SUSD3: variants seen among roughly 807,000 people sequenced by gnomAD.
SUSD3 encodes the protein sushi domain-containing protein 3.
Under a neutral mutation model 20.6 loss-of-function variants are expected in SUSD3, and 18 were observed. The observed-to-expected ratio is 0.87, with a 90% CI of 0.60 to 1.30. The LOEUF is 1.30. SUSD3 is among the 50% of genes most tolerant of loss of function. SUSD3 has a pLI of 0.00. For missense variants in SUSD3, 306 were observed against 346.9 expected, an observed-to-expected ratio of 0.88 and a Z score of 0.94; for synonymous variants, 137 against 141.5, an observed-to-expected ratio of 0.97 and a Z score of 0.23.
intron 4 of SUSD3, among the ~76,000 whole-genome samples, chr9:93,080,332 A>C (rs1587921067): frequency 6.6e-6 from 1 of 151,418 alleles, no homozygotes; most frequent in South Asian, 2.1e-4. Context: ...AAAAAAAAAA[A>C]AAAAAAAACA....
intron 1 of SUSD3, among the ~76,000 whole-genome samples, chr9:93,062,063 C>T (rs562623404): frequency 2.0e-5 from 3 of 152,364 alleles, no homozygotes; most frequent in South Asian, 2.1e-4. Context: ...TGTTCTCAGA[C>T]GCCCGGCTGG....
Position 93,083,917 on chromosome 9 carries a change from T to C in SUSD3, c.558-620T>C, listed in dbSNP as rs117691552. 8.5e-4 allele frequency among the ~76,000 whole-genome samples: 129 copies of C among 151,954 alleles called. 2 individuals carry two copies. In the East Asian group the frequency reaches 0.023, roughly 27 times the overall value. On this transcript the variant is annotated intron_variant, in intron 4 of 4. Transcript: ENST00000375472. ...CAGCCTCTGAGGGGAGGAGAGGACATGCAAAGGGCTGGAGGTGGGAGCCGC... is the reference window on the plus strand; with the variant it reads ...CAGCCTCTGAGGGGAGGAGAGGACACGCAAAGGGCTGGAGGTGGGAGCCGC...
At chr9:93,060,247 G>A (rs1825452751) in intron 1 of SUSD3, among the ~76,000 whole-genome samples, 2 of 152,136 alleles carry the variant, frequency 1.3e-5, no homozygotes, top group South Asian at 2.1e-4. Context: ...CCCAGGCACT[G>A]GCCCCCTTGT....
At chr9:93,083,674 C>T (rs1229007313) in intron 4 of SUSD3, among the ~76,000 whole-genome samples, 2 of 152,234 alleles carry the variant, frequency 1.3e-5, no homozygotes, top group Admixed American at 1.3e-4. Context: ...TGGAGTCAGT[C>T]TGGCTCCTGC....
intron 3 of SUSD3, among the ~76,000 whole-genome samples, chr9:93,078,636 C>T (rs189728513): frequency 1.1e-4 from 16 of 152,280 alleles, no homozygotes; most frequent in Admixed American, 3.3e-4. Context: ...CTGCCACACA[C>T]GCCCCCTAAA....
chr9:93,060,542 A>G (rs1259906048), intron 1 of SUSD3, among the ~76,000 whole-genome samples: 2 of 151,982 alleles, frequency 1.3e-5, no homozygotes, highest in African/African-American at 2.4e-5. Context: ...TGACACTAAA[A>G]CACCACTGAC....
chr9:93,061,896 C>T (rs1425537604), intron 1 of SUSD3, among the ~76,000 whole-genome samples: 1 of 152,320 alleles, frequency 6.6e-6, no homozygotes, highest in East Asian at 1.9e-4. Flanking sequence ...CTGTCACTCT[C>T]TCCCACAGCC....
chr9:93,077,755 C>T (rs1826224362), intron 2 of SUSD3, 91 bp from the exon 3 acceptor site: 1 of 1,446,024 alleles, frequency 6.9e-7, no homozygotes, highest in Non-Finnish European at 9.5e-7. Context: ...ACACCCAGGC[C>T]CTACCCGTAC....
At chr9:93,058,945 G>A in intron 1 of SUSD3, 115 bp downstream of exon 1, 1 of 567,786 alleles carries the variant, frequency 1.8e-6, no homozygotes, top group Non-Finnish European at 2.6e-6. Context: ...CCACAGCAAC[G>A]ATCTGCCCCG....
At chr9:93,072,325 T>G (rs768743349) in intron 1 of SUSD3, among the ~76,000 whole-genome samples, 5 of 152,158 alleles carry the variant, frequency 3.3e-5, no homozygotes, top group Non-Finnish European at 7.3e-5. Flanking sequence ...GTTAAGGCCC[T>G]GGGGTCCTCA....
intron 1 of SUSD3, among the ~76,000 whole-genome samples, chr9:93,074,616 CTTTT>C (rs989411910): frequency 1.0e-5 from 1 of 96,366 alleles, no homozygotes; most frequent in African/African-American, 4.6e-5. Flanking sequence ...GCAGCAGATT[CTTTT>C]TTTTTTTTTT....
chr9:93,073,399 A>G (rs1825989619), intron 1 of SUSD3, among the ~76,000 whole-genome samples: 1 of 152,002 alleles, frequency 6.6e-6, no homozygotes, highest in African/African-American at 2.4e-5. Context: ...GGCGCCCGCC[A>G]CCACACCTGG....
At position 93,079,537 on chromosome 9, in the gene SUSD3, C is replaced by T. The variant is rs780801246; in HGVS notation, c.492C>T (p.Gly164=). The T allele has an allele frequency of 6.2e-6, 10 of 1,614,064 alleles. 1 individual carries two copies. The Admixed American group carries it at 8.3e-5, about 13-fold the overall frequency. The stretch of plus-strand genomic sequence containing the variant: ...AGACGGTGCAGGCCGCATACCTTGG[C>T]CTCAAGCACTTCAACAAACCCGTGA... ...DLETVQAAYL[G]LKHFNKPVSG... The change falls in exon 4 of 5, where the codon GGC becomes GGT. Residue 164 remains glycine, a synonymous_variant. Transcript: ENST00000375472.
At chr9:93,068,605 A>G (rs776050100) in intron 1 of SUSD3, among the ~76,000 whole-genome samples, 1 of 152,070 alleles carries the variant, frequency 6.6e-6, no homozygotes, top group Non-Finnish European at 1.5e-5. Context: ...GCAAGTGTGA[A>G]CTCTCCAACT....
intron 1 of SUSD3, 33 bp from the exon 2 acceptor site, chr9:93,075,751 C>CCCCCCCCCCCCCCCACA: frequency 8.0e-6 from 2 of 248,754 alleles, no homozygotes; most frequent in Admixed American, 5.2e-5. Context: ...CCCCCCCCCC[C>CCCCCCCCCCCCCCCACA]CCGCCATGCC....
At chr9:93,074,014 C>T (rs1027602628) in intron 1 of SUSD3, among the ~76,000 whole-genome samples, 2 of 152,080 alleles carry the variant, frequency 1.3e-5, no homozygotes, top group Non-Finnish European at 2.9e-5. Context: ...GCTGCTATGC[C>T]GATAGATGAT....
intron 1 of SUSD3, among the ~76,000 whole-genome samples, chr9:93,074,686 C>T (rs887586228): frequency 5.8e-5 from 8 of 137,580 alleles, no homozygotes; most frequent in African/African-American, 1.7e-4. Flanking sequence ...GTGATCTTGG[C>T]TCACTGCAAC....
Position 93,058,816 on chromosome 9 carries a change from C to A in SUSD3, c.74C>A (p.Pro25Gln). The A allele has an allele frequency of 8.0e-7, 1 of 1,257,796 alleles. No individual in the cohort carries two copies. Among genetic ancestry groups the A allele is most frequent in the African/African-American group, 1.5e-5 (1 of 64,536 alleles). The allele number at this position is 1,257,796 out of a possible 1,614,324, so 77.9% of individuals were successfully genotyped here. The part of the protein sequence containing the change: ...RGRAGVTTPA[P>Q]GNRTGTCAKL... ...CGGGCCGGGGTCACCACGCCTGCCC[C>A]AGGGAACCGCACAGGTGAGGGCTGG... Residue 25 changes from proline to glutamine, a missense_variant, in exon 1 of 5, where the codon CCA becomes CAA. Coordinates refer to ENST00000375472, the MANE Select transcript of SUSD3 (RefSeq NM_145006.4).
At chr9:93,075,740 ACC>A (rs748856301) in intron 1 of SUSD3, 42 bp from the exon 2 acceptor site, 4,215 of 144,084 alleles carry the variant, frequency 0.029, 20 homozygotes, top group East Asian at 0.05. Context: ...CTGCGTGCCC[ACC>A]CCCCCCCCCC....
Sources: gnomAD v4.1 joint callset for allele counts (sites outside exome capture counted in the v4.1 genomes callset) on GRCh38, gnomAD v4.1.1 for gene constraint, MANE v1.5 for transcripts, NCBI Gene and HGNC (gene_info 2026-07-23, HGNC 2026-07-21) for gene names.